EPHA5: variants seen among roughly 807,000 people sequenced by gnomAD.
EPHA5 encodes ephrin type-A receptor 5.
In EPHA5, 60 loss-of-function variants were observed where a neutral mutation model predicts 105.0. The ratio of observed to expected loss-of-function variants is 0.57; its 90% confidence interval spans 0.46 to 0.71. The LOEUF is 0.71. Among genes scored for constraint, EPHA5 ranks in the 30% least tolerant of loss-of-function variants. The probability of loss-of-function intolerance (pLI) is 0.00; values close to 1 mark genes in which losing one functional copy is unlikely to be tolerated. For synonymous variants in EPHA5, 513 were observed against 449.1 expected (o/e 1.14, Z -1.80); for missense variants, 1,218 against 1,274.7 (o/e 0.96, Z 0.68).
At chr4:65,374,426 C>A (rs1718787443) in intron 8 of EPHA5, among the ~76,000 whole-genome samples, 1 of 151,862 alleles carries the variant, frequency 6.6e-6, no homozygotes, top group Non-Finnish European at 1.5e-5. Context: ...TTACAAATAT[C>A]ATCTTATAAA....
chr4:65,483,049 C>T (rs567235182), intron 5 of EPHA5, among the ~76,000 whole-genome samples: 1 of 152,154 alleles, frequency 6.6e-6, no homozygotes, highest in Non-Finnish European at 1.5e-5. Flanking sequence ...TGTGATGTTC[C>T]CCATCCTGTG....
chr4:65,438,809 T>C (rs919764046), intron 5 of EPHA5, among the ~76,000 whole-genome samples: 2 of 151,932 alleles, frequency 1.3e-5, no homozygotes, highest in African/African-American at 2.4e-5. Flanking sequence ...GAGGAAACCA[T>C]ATAAAAGAAA....
intron 5 of EPHA5, among the ~76,000 whole-genome samples, chr4:65,468,115 T>G (rs1728894588): frequency 6.6e-6 from 1 of 152,178 alleles, no homozygotes; most frequent in Non-Finnish European, 1.5e-5. Flanking sequence ...ACAAAGTATG[T>G]GGTAATTTGT....
chr4:65,486,606 G>T (rs1730903710), intron 5 of EPHA5, among the ~76,000 whole-genome samples: 1 of 152,142 alleles, frequency 6.6e-6, no homozygotes, highest in Non-Finnish European at 1.5e-5. Context: ...AAAATCTGCT[G>T]AAAAAAGTTT....
chr4:65,497,511 A>G (rs1223046027), intron 3 of EPHA5, among the ~76,000 whole-genome samples: 10 of 152,066 alleles, frequency 6.6e-5, no homozygotes, highest in Non-Finnish European at 1.2e-4. Context: ...TTTTCTTATA[A>G]TAGGATTGCT....
chr4:65,377,336 T>C (rs1305635746), intron 8 of EPHA5, among the ~76,000 whole-genome samples: 1 of 152,018 alleles, frequency 6.6e-6, no homozygotes, highest in Non-Finnish European at 1.5e-5. Context: ...TTCGAATTAA[T>C]TGTATGCAAT....
chr4:65,487,800 G>T (rs1404221423), intron 5 of EPHA5, among the ~76,000 whole-genome samples: 1 of 152,006 alleles, frequency 6.6e-6, no homozygotes, highest in Non-Finnish European at 1.5e-5. Context: ...TAAAACTCTG[G>T]TCTCCTGCTT....
chr4:65,490,913 T>C, intron 4 of EPHA5, among the ~76,000 whole-genome samples: 1 of 152,326 alleles, frequency 6.6e-6, no homozygotes, highest in African/African-American at 2.4e-5. Context: ...CTTGGCATTG[T>C]TATAACACTA....
intron 3 of EPHA5, among the ~76,000 whole-genome samples, chr4:65,521,279 A>T (rs563563935): frequency 6.6e-6 from 1 of 152,266 alleles, no homozygotes; most frequent in South Asian, 2.1e-4. Flanking sequence ...CAGGGACAAA[A>T]AACCAAACAC....
intron 11 of EPHA5, among the ~76,000 whole-genome samples, chr4:65,361,234 G>T (rs1028441267): frequency 6.6e-6 from 1 of 151,646 alleles, no homozygotes; most frequent in African/African-American, 2.4e-5. Context: ...AAGGAAAAAT[G>T]AAGATAAATG....
rs1560721440 is a variant in EPHA5, at chr4:65,576,093, GAAAAGAAAAGAAAAGAAAAGAA to G, written c.910+25526_910+25547del. On this transcript the variant is annotated intron_variant, in intron 3 of 16. Transcript: ENST00000613740. The stretch of plus-strand genomic sequence containing the variant: ...GAAAAGAAAAGAAAAGAAAAGAAAA[GAAAAGAAAAGAAAAGAAAAGAA>G]AAAAGAAAAGAAAAGAAAAGAAAGA... Among the ~76,000 whole-genome samples, 76 of 76,946 alleles carry G rather than the reference GAAAAGAAAAGAAAAGAAAAGAA, an allele frequency of 9.9e-4. 1 individual carries two copies. The highest frequency in any genetic ancestry group is 2.8e-3 in the African/African-American group (55 of 19,818). The allele number at this position is 76,946 out of a possible 152,430, so 50.5% of individuals were successfully genotyped here. A position where few individuals can be genotyped will look rare whatever the true frequency, so the allele number is the denominator to read the frequency against.
At chr4:65,662,523 C>A (rs1578725188) in intron 1 of EPHA5, among the ~76,000 whole-genome samples, 1 of 151,976 alleles carries the variant, frequency 6.6e-6, no homozygotes, top group African/African-American at 2.4e-5. Flanking sequence ...TCCAACACAA[C>A]AAGTGTTTGG....
intron 5 of EPHA5, among the ~76,000 whole-genome samples, chr4:65,430,743 G>A (rs577156168): frequency 1.5e-4 from 23 of 152,152 alleles, no homozygotes; most frequent in African/African-American, 5.1e-4. Flanking sequence ...ATAGAATAAT[G>A]AAAGAATAGC....
rs1297394874 is a variant in EPHA5, at chr4:65,576,093, G to GAAA, written c.910+25545_910+25547dup. ...GAAAAGAAAAGAAAAGAAAAGAAAAGAAAAGAAAAGAAAAGAAAAGAAAAA... is the reference window on the plus strand; with the variant it reads ...GAAAAGAAAAGAAAAGAAAAGAAAAGAAAAAAAGAAAAGAAAAGAAAAGAAAAA... On this transcript the variant is annotated intron_variant, in intron 3 of 16. Coordinates refer to ENST00000613740, the MANE Select transcript of EPHA5 (RefSeq NM_001281766.3). Among the ~76,000 whole-genome samples the GAAA allele has an allele frequency of 5.0e-3, 381 of 76,272 alleles. 3 individuals carry two copies. Among genetic ancestry groups the GAAA allele is most frequent in the South Asian group, 8.1e-3 (17 of 2,088 alleles). The allele number at this position is 76,272 out of a possible 152,430, so 50.0% of individuals were successfully genotyped here.
At chr4:65,625,502 A>G (rs1011780198) in intron 2 of EPHA5, among the ~76,000 whole-genome samples, 9 of 152,212 alleles carry the variant, frequency 5.9e-5, no homozygotes, top group Non-Finnish European at 1.2e-4. Context: ...CACATTCAAG[A>G]ATAAGATATC....
intron 16 of EPHA5, among the ~76,000 whole-genome samples, chr4:65,326,275 C>A (rs2148783769): frequency 6.6e-6 from 1 of 150,956 alleles, no homozygotes; most frequent in East Asian, 2.0e-4. Flanking sequence ...AATGGGTAAC[C>A]AAGTTAGGGC....
Position 65,401,076 on chromosome 4 carries a change from GA to G in EPHA5, c.1793+3297del, listed in dbSNP as rs530178720. Among the ~76,000 whole-genome samples, 504 of 150,874 alleles carry G rather than the reference GA, an allele frequency of 3.3e-3. 7 individuals carry two copies. Among genetic ancestry groups the G allele is most frequent in the African/African-American group, 0.011 (460 of 41,194 alleles). ...TGTGTGTGTGTGAGAGAGAGAGAAAGAAAAAAAATCAATCATGTTTTAGCAC... is the reference window on the plus strand; with the variant it reads ...TGTGTGTGTGTGAGAGAGAGAGAAAGAAAAAAATCAATCATGTTTTAGCAC... On this transcript the variant is annotated intron_variant, in intron 8 of 16. Coordinates refer to ENST00000613740, the MANE Select transcript of EPHA5 (RefSeq NM_001281766.3).
At chr4:65,374,994 T>C (rs992187992) in intron 8 of EPHA5, among the ~76,000 whole-genome samples, 5 of 151,890 alleles carry the variant, frequency 3.3e-5, no homozygotes, top group African/African-American at 1.2e-4. Flanking sequence ...AATGCTTTAA[T>C]CTAAACAAAT....
chr4:65,492,843 T>C (rs951393546), intron 4 of EPHA5, among the ~76,000 whole-genome samples: 11 of 152,134 alleles, frequency 7.2e-5, no homozygotes, highest in Admixed American at 5.9e-4. Context: ...TTTCTGGAAA[T>C]ACACGTGTTC....
Sources: allele counts gnomAD v4.1 joint callset (sites outside exome capture counted in the v4.1 genomes callset), GRCh38; gene constraint gnomAD v4.1.1; transcripts MANE v1.5; gene names NCBI Gene and HGNC (gene_info 2026-07-23, HGNC 2026-07-21).